The following ZFAT variants were observed in gnomAD, a reference collection of about 807,000 sequenced individuals.
ZFAT encodes the protein zinc finger protein ZFAT.
Under a neutral mutation model 117.7 loss-of-function variants are expected in ZFAT, and 64 were observed. The ratio of observed to expected loss-of-function variants is 0.54; its 90% CI spans 0.44 to 0.67. ZFAT has a LOEUF of 0.67. Ranked by LOEUF, ZFAT falls within the 30% of genes least tolerant of loss-of-function variation. The pLI is 0.00. For missense variants in ZFAT, 1,433 were observed against 1,584.5 expected, an observed-to-expected ratio of 0.90 and a Z score of 1.62; for synonymous variants, 679 against 615.0, an observed-to-expected ratio of 1.10 and a Z score of -1.54.
At chr8:134,566,393 CAAAAAAA>C (rs57041885) in intron 10 of ZFAT, among the ~76,000 whole-genome samples, 1 of 77,296 alleles carries the variant, frequency 1.3e-5, no homozygotes, top group Admixed American at 1.9e-4. Flanking sequence ...GACTCCAACT[CAAAAAAA>C]AAAAAAAAAA....
chr8:134,628,998 A>C (rs562584844), intron 3 of ZFAT, among the ~76,000 whole-genome samples: 15 of 152,370 alleles, frequency 9.8e-5, no homozygotes, highest in African/African-American at 3.4e-4. Context: ...TGGTGTACAC[A>C]GAGCATGAAT....
intron 1 of ZFAT, among the ~76,000 whole-genome samples, chr8:134,661,720 T>A (rs576716273): frequency 1.3e-5 from 2 of 152,220 alleles, no homozygotes; most frequent in East Asian, 3.9e-4. Flanking sequence ...CAAGCAGGCA[T>A]GACACCATCA....
chr8:134,617,257 C>T (rs1586825717), intron 3 of ZFAT, among the ~76,000 whole-genome samples: 1 of 152,188 alleles, frequency 6.6e-6, no homozygotes, highest in Non-Finnish European at 1.5e-5. Flanking sequence ...GGGACTATGG[C>T]TCTGCACAGT....
At chr8:134,592,521 G>A (rs57089888) in intron 7 of ZFAT, among the ~76,000 whole-genome samples, 16,831 of 152,120 alleles carry the variant, frequency 0.11, 1,315 homozygotes, top group East Asian at 0.44. Context: ...CAGTGCCTCC[G>A]TTTCATCATC....
chr8:134,714,124 A>G (rs914219914), upstream of ZFAT, among the ~76,000 whole-genome samples: 1 of 138,376 alleles, frequency 7.2e-6, no homozygotes, highest in Non-Finnish European at 1.6e-5. Flanking sequence ...CCCCCCCAAA[A>G]AAAAAAAGTG....
At chr8:134,650,797 T>C (rs529394730) in intron 2 of ZFAT, among the ~76,000 whole-genome samples, 3 of 152,302 alleles carry the variant, frequency 2.0e-5, no homozygotes, top group Admixed American at 6.5e-5. Context: ...CCAAAACCTC[T>C]CAATGGGAAA....
chr8:134,684,584 T>A (rs1416098735), intron 1 of ZFAT, among the ~76,000 whole-genome samples: 1 of 152,090 alleles, frequency 6.6e-6, no homozygotes, highest in Non-Finnish European at 1.5e-5. Flanking sequence ...TTGACGTTGA[T>A]TAGATGTTTG....
At chr8:134,810,362 C>T in the ZFAT span, among the ~76,000 whole-genome samples, 3 of 152,168 alleles carry the variant, frequency 2.0e-5, no homozygotes, top group Non-Finnish European at 2.9e-5. Flanking sequence ...TAATGTCCAA[C>T]GGATGCCAGG....
intron 10 of ZFAT, among the ~76,000 whole-genome samples, chr8:134,576,650 T>C (rs1233011954): frequency 6.6e-6 from 1 of 152,210 alleles, no homozygotes; most frequent in Non-Finnish European, 1.5e-5. Context: ...CTAGAGTGGC[T>C]TTGCTTTTTA....
rs974997465 is a variant in ZFAT at position 134,478,107 on chromosome 8, A to G, written c.*375T>C. 7.9e-6 allele frequency: 2 copies of G among 252,426 alleles called. No homozygotes were observed. The highest frequency in any genetic ancestry group is 4.3e-5 in the African/African-American group (2 of 45,994). 15.6% of individuals were successfully genotyped at this position (252,426 alleles called of 1,614,324 possible). A position where few individuals can be genotyped will look rare whatever the true frequency, so the allele number is the denominator to read the frequency against. On this transcript the variant is annotated 3_prime_UTR_variant, in exon 16 of 16. Transcript: ENST00000377838. The surrounding 1 kb of genome is among the most constrained non-coding windows in gnomAD (Gnocchi z 5.2). ...TTGCAGATGAACATTTGGCACCTAG[A>G]TGGGGGTCAAGGAGCTGGGGCTGTG...
chr8:134,513,776 A>G (rs1294158022), intron 13 of ZFAT, among the ~76,000 whole-genome samples: 1 of 152,218 alleles, frequency 6.6e-6, no homozygotes, highest in Non-Finnish European at 1.5e-5. Context: ...TATGCTCTAT[A>G]AGCATATATC....
intron 10 of ZFAT, among the ~76,000 whole-genome samples, chr8:134,572,797 G>A (rs920051613): frequency 1.8e-4 from 26 of 141,422 alleles, no homozygotes; most frequent in Admixed American, 4.0e-4. Context: ...ATATTGCCAC[G>A]GTGGGGAAAA....
intron 3 of ZFAT, among the ~76,000 whole-genome samples, chr8:134,623,382 C>T (rs1292563073): frequency 2.6e-5 from 4 of 152,170 alleles, no homozygotes; most frequent in African/African-American, 9.7e-5. Context: ...CTACTCATGC[C>T]CCTCCTCCAC....
intron 7 of ZFAT, chr8:134,599,993 G>A (rs1220502078): frequency 5.4e-6 from 2 of 371,780 alleles, no homozygotes; most frequent in Non-Finnish European, 5.2e-6. Context: ...GACAACAGTG[G>A]TCATCAACAT....
chr8:134,644,847 A>G (rs1262481790), intron 2 of ZFAT, among the ~76,000 whole-genome samples: 1 of 152,128 alleles, frequency 6.6e-6, no homozygotes, highest in African/African-American at 2.4e-5. Context: ...GCACACTCAC[A>G]CACCATCTAT....
the ZFAT span, among the ~76,000 whole-genome samples, chr8:134,790,457 A>G: frequency 4.6e-5 from 7 of 152,138 alleles, no homozygotes; most frequent in African/African-American, 9.7e-5. Flanking sequence ...TTTTCATTAT[A>G]ACGTAGCCGT....
intron 13 of ZFAT, among the ~76,000 whole-genome samples, chr8:134,516,543 G>A (rs1295424962): frequency 6.6e-6 from 1 of 152,116 alleles, no homozygotes; most frequent in South Asian, 2.1e-4. Context: ...TGTTTTTAAA[G>A]GTAGAATAGG....
chr8:134,817,392 TCTAC>T, the ZFAT span, among the ~76,000 whole-genome samples: 92 of 101,938 alleles, frequency 9.0e-4, no homozygotes, highest in African/African-American at 3.1e-3. Flanking sequence ...TCTCTCTCTC[TCTAC>T]ACACACACAC....
the ZFAT span, among the ~76,000 whole-genome samples, chr8:134,731,509 A>G: frequency 6.6e-6 from 1 of 152,228 alleles, no homozygotes; most frequent in Admixed American, 6.5e-5. Flanking sequence ...ATTGTAGTGC[A>G]AAAGCAGCCA....
Sources: allele counts gnomAD v4.1 joint callset (sites outside exome capture counted in the v4.1 genomes callset), GRCh38; gene constraint gnomAD v4.1.1; non-coding constraint Gnocchi (gnomAD v3.1); transcripts MANE v1.5; gene names NCBI Gene and HGNC (gene_info 2026-07-23, HGNC 2026-07-21).